The following TCHH variants were observed in gnomAD, a reference collection of about 807,000 sequenced individuals.
TCHH encodes trichohyalin.
In TCHH, 6 loss-of-function variants were observed where a neutral mutation model predicts 6.3. The observed-to-expected ratio is 0.95, with a 90% CI of 0.52 to 1.88. The LOEUF (loss-of-function observed/expected upper bound fraction) is 1.88. TCHH is among the 40% of genes most tolerant of loss of function. The probability of loss-of-function intolerance (pLI) is 0.01; values close to 1 mark genes in which losing one functional copy is unlikely to be tolerated. For synonymous variants in TCHH, 1,087 were observed against 963.6 expected (o/e 1.13, Z -2.37); for missense variants, 2,920 against 2,449.1 (o/e 1.19, Z -4.06).
Position 152,107,453 on chromosome 1 carries a change from T to C in TCHH, c.5764A>G (p.Ser1922Gly). 2.5e-6 allele frequency: 4 copies of C among 1,613,898 alleles called. No individual in the cohort carries two copies. Among genetic ancestry groups the C allele is most frequent in the Non-Finnish European group, 3.4e-6 (4 of 1,179,874 alleles). Reference sequence around the variant, plus strand: ...AGAGGGCTGGAGCGCACTGGGACACTGGCAAACTGATGAGTGCCGGGCTCC... The same window carrying C: ...AGAGGGCTGGAGCGCACTGGGACACCGGCAAACTGATGAGTGCCGGGCTCC... ...LLEPGTHQFA[S>G]VPVRSSPLYE... Residue 1922 changes from serine (S) to glycine (G), a missense_variant, in exon 3 of 3, where the codon AGT becomes GGT. Transcript: ENST00000614923.
chr1:152,109,998 G>A lies in TCHH; in HGVS notation c.3219C>T (p.Arg1073=), dbSNP rs1337383928. The A allele has an allele frequency of 6.5e-7, 1 of 1,532,798 alleles. No individual in the cohort carries two copies. Among genetic ancestry groups the A allele is most frequent in the Non-Finnish European group, 8.8e-7 (1 of 1,138,758 alleles). 94.9% of individuals were successfully genotyped at this position (1,532,798 alleles called of 1,614,324 possible). The stretch of plus-strand genomic sequence containing the variant: ...TCCGATATTGCCTCTCCAGCTCCTG[G>A]CGCCTTCTCGTCTCCCGTTCCTCTC... ...LLGEERETRR[R]QELERQYRKE... Residue 1073 remains arginine, a synonymous_variant, in exon 3 of 3, where the codon CGC becomes CGT. Coordinates refer to ENST00000614923, the MANE Select transcript of TCHH (RefSeq NM_007113.4).
Position 152,111,342 on chromosome 1 carries a change from C to T in TCHH, c.1875G>A (p.Pro625=), listed in dbSNP as rs762474548. ...RREQRLKREE[P]EEERRQQLLK... ...GCAGCTGCTGGCGCCTCTCTTCCTC[C>T]GGCTCCTCGCGCTTCAGCCGCTGCT... is the stretch of plus-strand genomic sequence containing the variant. The change falls in exon 3 of 3, where the codon CCG becomes CCA. Residue 625 remains proline (P), a synonymous_variant. Coordinates refer to ENST00000614923, the MANE Select transcript of TCHH (RefSeq NM_007113.4). The T allele has an allele frequency of 8.7e-6, 14 of 1,600,704 alleles. No homozygotes were observed. In the East Asian group the frequency reaches 1.6e-4, roughly 18 times the overall value.
chr1:152,111,768 C>T lies in TCHH; in HGVS notation c.1449G>A (p.Glu483=). The change falls in exon 3 of 3, where the codon GAG becomes GAA. Residue 483 remains glutamate (E), a synonymous_variant. Transcript: ENST00000614923. The part of the protein sequence containing the change: ...KQQLKRDQEE[E]RRERWLKLEE... Reference sequence around the variant, plus strand: ...CGAGCTTCAGCCAACGTTCGCGCCTCTCCTCCTCCTGGTCGCGCTTCAGCT... The same window carrying T: ...CGAGCTTCAGCCAACGTTCGCGCCTTTCCTCCTCCTGGTCGCGCTTCAGCT... 2 of 1,593,130 alleles carry T rather than the reference C, an allele frequency of 1.3e-6. No individual in the cohort carries two copies. Among genetic ancestry groups the T allele is most frequent in the Non-Finnish European group, 1.7e-6 (2 of 1,169,486 alleles).
Position 152,112,291 on chromosome 1 carries a change from T to C in TCHH, c.926A>G (p.Lys309Arg), listed in dbSNP as rs774473548. 6.2e-7 allele frequency: 1 copy of C among 1,608,168 alleles called. No homozygotes were observed. The highest frequency in any genetic ancestry group is 8.5e-7 in the Non-Finnish European group (1 of 1,179,124). ...CTGCTCGCGCCTCTCCTCCTCCTGCTTGCGCCTTAGTTGCTGCTCGCGCCT... is the reference window on the plus strand; with the variant it reads ...CTGCTCGCGCCTCTCCTCCTCCTGCCTGCGCCTTAGTTGCTGCTCGCGCCT... ...RLRREQQLRR[K>R]QEEERREQQE... is the part of the protein sequence containing the mutation. Residue 309 changes from lysine (K) to arginine (R), a missense_variant, in exon 3 of 3, where the codon AAG (lysine) becomes AGG (arginine). Lys to Arg is a conservative substitution (Grantham distance 26). Transcript: ENST00000614923.
At position 152,109,843 on chromosome 1, in the gene TCHH, C is replaced by A. The variant is rs1411033552; in HGVS notation, c.3374G>T (p.Arg1125Ile). ...ELQQEEEQLL[R>I]EEREKRRRQE... ...GCGCCTTCTCTTCTCCCGTTCCTCT[C>A]TCAGCAGCTGCTCTTCCTCCTGCTG... Residue 1125 changes from arginine to isoleucine, a missense_variant, in exon 3 of 3, where the codon AGA becomes ATA. Physicochemically the swap from Arg to Ile is moderately conservative, Grantham distance 97. Coordinates refer to ENST00000614923, the MANE Select transcript of TCHH (RefSeq NM_007113.4). 6.2e-7 allele frequency: 1 copy of A among 1,610,966 alleles called. No homozygotes were observed. Among genetic ancestry groups the A allele is most frequent in the Non-Finnish European group, 8.5e-7 (1 of 1,179,372 alleles).
rs1388914433 is a variant in TCHH, at chr1:152,108,189, G to A, written c.5028C>T (p.Leu1676=). 6.2e-7 allele frequency: 1 copy of A among 1,606,900 alleles called. No individual in the cohort carries two copies. Residue 1676 remains leucine, a synonymous_variant, in exon 3 of 3, where the codon CTC becomes CTT. Transcript: ENST00000614923. Reference sequence around the variant, plus strand: ...GCAGCTGCTGTTCCTCCCCTTCCTGGAGCAGCTGTTCCTCTTCACGGAATT... The same window carrying A: ...GCAGCTGCTGTTCCTCCCCTTCCTGAAGCAGCTGTTCCTCTTCACGGAATT... The part of the protein sequence containing the change: ...DRKFREEEQL[L]QEGEEQQLRR...
In TCHH at chr1:152,107,898, G is replaced by T; in HGVS notation, c.5319C>A (p.Phe1773Leu). ...CCTGGCGGAGCTGTTCCTCCTCGCG[G>T]AATTTTCTGTCGCGCTCCTGGCGGC... is the stretch of plus-strand genomic sequence containing the variant. ...QLRRQERDRK[F>L]REEEQLRQER... Residue 1773 changes from phenylalanine (F) to leucine (L), a missense_variant, in exon 3 of 3, where the codon TTC becomes TTA. Transcript: ENST00000614923. The T allele has an allele frequency of 6.2e-7, 1 of 1,613,840 alleles. No individual in the cohort carries two copies. Among genetic ancestry groups the T allele is most frequent in the Admixed American group, 1.7e-5 (1 of 59,978 alleles).
In TCHH at chr1:152,111,112, G is replaced by C. The variant is rs374975788; in HGVS notation, c.2105C>G (p.Pro702Arg). ...GCTTTCTAGCTGCCACTGCCACTTC[G>C]GGATGCGGCTCTTAATCCGCTCCCG... ...QARERIKSRI[P>R]KWQWQLESEA... Residue 702 changes from proline (P) to arginine (R), a missense_variant, in exon 3 of 3, where the codon CCG becomes CGG. By Grantham distance (103) the Pro-to-Arg change is moderately radical. Coordinates refer to ENST00000614923, the MANE Select transcript of TCHH (RefSeq NM_007113.4). The C allele has an allele frequency of 2.3e-5, 37 of 1,613,628 alleles. No homozygotes were observed. In the South Asian group the frequency reaches 3.3e-4, roughly 14 times the overall value.
intron 1 of TCHH, 91 bp from the exon 2 acceptor site, chr1:152,114,202 A>G: frequency 1.1e-6 from 1 of 872,814 alleles, no homozygotes; most frequent in Non-Finnish European, 1.7e-6. Context: ...TCCCTAAATA[A>G]TTTGAATTTA....
In TCHH at chr1:152,109,088, G is replaced by A; in HGVS notation, c.4129C>T (p.Leu1377Phe). The A allele has an allele frequency of 1.2e-6, 2 of 1,612,632 alleles. No homozygotes were observed. Among genetic ancestry groups the A allele is most frequent in the Non-Finnish European group, 1.7e-6 (2 of 1,179,784 alleles). The change falls in exon 3 of 3, where the codon CTC becomes TTC. Residue 1377 changes from leucine to phenylalanine, a missense_variant. Leu to Phe is a conservative substitution (Grantham distance 22). Coordinates refer to ENST00000614923, the MANE Select transcript of TCHH (RefSeq NM_007113.4). ...LRHQEQGRKF[L>F]EEEQRLRRQE... ...CGGCGCAGCCGCTGTTCCTCCTCGA[G>A]GAATTTTCTCCCTTGTTCCTGATGG...
Position 152,107,254 on chromosome 1 carries a change from G to C in TCHH, c.*131C>G. The C allele has an allele frequency of 1.0e-6, 1 of 986,848 alleles. No individual in the cohort carries two copies. Among genetic ancestry groups the C allele is most frequent in the Non-Finnish European group, 1.5e-6 (1 of 681,932 alleles). 61.1% of individuals were successfully genotyped at this position (986,848 alleles called of 1,614,324 possible). A position where few individuals can be genotyped will look rare whatever the true frequency, so the allele number is the denominator to read the frequency against. ...AAAATGAGCGTAGTTTAAGATTTTG[G>C]AAGAAAAGACATTCTAATATCAGAG... On this transcript the variant is annotated 3_prime_UTR_variant, in exon 3 of 3. Coordinates refer to ENST00000614923, the MANE Select transcript of TCHH (RefSeq NM_007113.4).
rs775177460 is a variant in TCHH, at chr1:152,111,338, C to T, written c.1879G>A (p.Glu627Lys). ...TTCAGCAGCTGCTGGCGCCTCTCTT[C>T]CTCCGGCTCCTCGCGCTTCAGCCGC... Reference protein sequence around the residue: ...EQRLKREEPEEERRQQLLKSE... With the variant: ...EQRLKREEPEKERRQQLLKSE... Residue 627 changes from glutamate to lysine, a missense_variant, in exon 3 of 3, where the codon GAA (glutamate) becomes AAA (lysine). Coordinates refer to ENST00000614923, the MANE Select transcript of TCHH (RefSeq NM_007113.4). 45 of 1,601,098 alleles carry T rather than the reference C, an allele frequency of 2.8e-5. 1 individual carries two copies. The Middle Eastern group carries it at 1.0e-3, about 36-fold the overall frequency.
Position 152,108,710 on chromosome 1 carries a change from A to G in TCHH, c.4507T>C (p.Phe1503Leu), listed in dbSNP as rs1378462161. ...TGACTGCGCAGTTCCTGTTCGCGGA[A>G]TTTTCTGTCACGCTCTTGGCGGCGC... is the stretch of plus-strand genomic sequence containing the variant. ...QLRRQERDRK[F>L]REQELRSQEP... The change falls in exon 3 of 3, where the codon TTC becomes CTC. Residue 1503 changes from phenylalanine (F) to leucine (L), a missense_variant. Phe to Leu is a conservative substitution (Grantham distance 22). Coordinates refer to ENST00000614923, the MANE Select transcript of TCHH (RefSeq NM_007113.4). The G allele has an allele frequency of 1.2e-6, 2 of 1,603,352 alleles. No homozygotes were observed. Among genetic ancestry groups the G allele is most frequent in the Admixed American group, 1.7e-5 (1 of 58,636 alleles).
Position 152,112,244 on chromosome 1 carries a change from GCTGCTCGCGCCTCTCCTC to G in TCHH, c.955_972del (p.Glu319_Gln324del). 3 of 1,582,140 alleles carry G rather than the reference GCTGCTCGCGCCTCTCCTC, an allele frequency of 1.9e-6. No individual in the cohort carries two copies. The highest frequency in any genetic ancestry group is 1.7e-4 in the Middle Eastern group (1 of 5,954). ...TCCTCCTGCTGCTCGCGCCTCTCCT[GCTGCTCGCGCCTCTCCTC>G]CTGCTGCTCGCGCCTCTCCTCCTCC... On this transcript the variant is annotated inframe_deletion, in exon 3 of 3. Transcript: ENST00000614923.
At position 152,108,440 on chromosome 1, in the gene TCHH, G is replaced by C. The variant is rs1038879013; in HGVS notation, c.4777C>G (p.Gln1593Glu). The C allele has an allele frequency of 2.5e-6, 4 of 1,612,958 alleles. No individual in the cohort carries two copies. In the East Asian group the frequency reaches 8.9e-5, roughly 36 times the overall value. The change falls in exon 3 of 3, where the codon CAA becomes GAA. Residue 1593 changes from glutamine (Q) to glutamate (E), a missense_variant. By Grantham distance (29) the Gln-to-Glu change is conservative. Transcript: ENST00000614923. Reference sequence around the variant, plus strand: ...TCGTCCTCCATGAATTTTCTCTCTTGTTCCTGGCGGCGCACTTTCTGTTCC... The same window carrying C: ...TCGTCCTCCATGAATTTTCTCTCTTCTTCCTGGCGGCGCACTTTCTGTTCC... ...LEEQKVRRQE[Q>E]ERKFMEDEQQ...
At position 152,106,725 on chromosome 1, in the gene TCHH, G is replaced by GT. The variant is rs936129762; in HGVS notation, c.*659dup. The GT allele has an allele frequency of 2.6e-5, 4 of 152,216 alleles. No individual in the cohort carries two copies. The highest frequency in any genetic ancestry group is 7.2e-5 in the African/African-American group (3 of 41,530). The allele number at this position is 152,216 out of a possible 1,614,324, so 9.4% of individuals were successfully genotyped here. ...AGATTATGTGTTTAAGTGGAGTTGA[G>GT]TTTAAAAAAAATCTAATTTAAATTC... On this transcript the variant is annotated 3_prime_UTR_variant, in exon 3 of 3. Coordinates refer to ENST00000614923, the MANE Select transcript of TCHH (RefSeq NM_007113.4).
Position 152,112,569 on chromosome 1 carries a change from C to T in TCHH, c.648G>A (p.Leu216=). The change falls in exon 3 of 3, where the codon CTG becomes CTA. Residue 216 remains leucine, a synonymous_variant. Transcript: ENST00000614923. ...CCTCGCGGCCCTTCCTCCTCAGCTC[C>T]AGCAGCTCCCGCCTTCGCAGTTGCT... ...DEEQLRRREL[L]ELRRKGREEK... The T allele has an allele frequency of 1.9e-6, 3 of 1,613,636 alleles. No homozygotes were observed. The highest frequency in any genetic ancestry group is 1.1e-5 in the South Asian group (1 of 91,080).
rs1333722511 is a variant in TCHH at position 152,108,983 on chromosome 1, G to A, written c.4234C>T (p.Arg1412Cys). ...QEREQQLRQD[R>C]DRKFREEEQQ... The stretch of plus-strand genomic sequence containing the variant: ...TCCTCCTCGCGGAATTTTCTGTCGC[G>A]GTCCTGACGCAGCTGTTGCTCGCGC... Residue 1412 changes from arginine (R) to cysteine (C), a missense_variant, in exon 3 of 3, where the codon CGC becomes TGC. By Grantham distance (180) the Arg-to-Cys change is radical (BLOSUM62 -3). Transcript: ENST00000614923. 2.5e-6 allele frequency: 4 copies of A among 1,607,960 alleles called. No individual in the cohort carries two copies. The highest frequency in any genetic ancestry group is 1.1e-5 in the South Asian group (1 of 90,774).
At position 152,107,826 on chromosome 1, in the gene TCHH, G is replaced by C. The variant is rs775925317; in HGVS notation, c.5391C>G (p.Phe1797Leu). 3.7e-6 allele frequency: 6 copies of C among 1,613,980 alleles called. No homozygotes were observed. In the South Asian group the frequency reaches 5.5e-5, roughly 15 times the overall value. Residue 1797 changes from phenylalanine (F) to leucine (L), a missense_variant, in exon 3 of 3, where the codon TTC becomes TTG. Phe to Leu is a conservative substitution (Grantham distance 22). Transcript: ENST00000614923. ...CCTGGCGTAGCTGTTCCTCCTCGCG[G>C]AATTTTCTGTCAGACTCTTGGCTGC... ...QLRSQESDRKFREEEQLRQER... is the reference protein window; with the variant it reads ...QLRSQESDRKLREEEQLRQER...
Sources: allele counts gnomAD v4.1 joint callset, GRCh38; gene constraint gnomAD v4.1.1; transcripts MANE v1.5; gene names NCBI Gene and HGNC (gene_info 2026-07-23, HGNC 2026-07-21).